Variants in LRBA observed in about 807,000 individuals in gnomAD.
LRBA encodes the protein LPS responsive beige-like anchor protein.
Under a neutral mutation model 330.0 loss-of-function variants are expected in LRBA, and 176 were observed. That is an observed-to-expected ratio of 0.53 (90% confidence interval 0.47 to 0.60). LRBA has a LOEUF of 0.60. LRBA is among the 20% of genes least tolerant of loss of function. The pLI, the probability that LRBA is intolerant of heterozygous loss-of-function variation, is 0.00. For synonymous variants in LRBA, 1,230 were observed against 1,193.0 expected (o/e 1.03, Z -0.64); for missense variants, 3,259 against 3,444.8 (o/e 0.95, Z 1.35).
intron 2 of LRBA, among the ~76,000 whole-genome samples, chr4:150,968,667 G>A (rs1447994956): frequency 6.6e-6 from 1 of 152,176 alleles, no homozygotes; most frequent in Non-Finnish European, 1.5e-5. Flanking sequence ...CAAAATGCAA[G>A]ATAAAGCTTC....
chr4:150,305,333 A>T (rs868362681), intron 52 of LRBA, among the ~76,000 whole-genome samples: 1 of 152,202 alleles, frequency 6.6e-6, no homozygotes, highest in Non-Finnish European at 1.5e-5. Context: ...TGTTTCTCCA[A>T]TGTCAGTGTA....
At chr4:150,294,651 A>G (rs1728730319) in intron 53 of LRBA, among the ~76,000 whole-genome samples, 1 of 152,228 alleles carries the variant, frequency 6.6e-6, no homozygotes, top group Non-Finnish European at 1.5e-5. Flanking sequence ...TTAGTATCAT[A>G]TAAGTAGTAG....
chr4:150,541,022 C>T (rs952602532), intron 40 of LRBA, among the ~76,000 whole-genome samples: 1 of 152,122 alleles, frequency 6.6e-6, no homozygotes, highest in Non-Finnish European at 1.5e-5. Flanking sequence ...ATATGAGTAA[C>T]AGAAAACCTA....
chr4:150,822,380 T>G (rs1745567580), intron 30 of LRBA, among the ~76,000 whole-genome samples: 1 of 152,218 alleles, frequency 6.6e-6, no homozygotes, highest in African/African-American at 2.4e-5. Flanking sequence ...TAGTAAACAA[T>G]GTAACTATAT....
chr4:150,511,220 A>G (rs1761795703), intron 40 of LRBA, among the ~76,000 whole-genome samples: 1 of 152,182 alleles, frequency 6.6e-6, no homozygotes, highest in Non-Finnish European at 1.5e-5. Flanking sequence ...AGCTGTCATT[A>G]GTCCAATTGA....
chr4:150,693,281 G>C (rs1295169896), intron 36 of LRBA, among the ~76,000 whole-genome samples: 2 of 152,174 alleles, frequency 1.3e-5, no homozygotes, highest in East Asian at 3.9e-4. Flanking sequence ...AATTGGGCAA[G>C]GGCCGGGCGC....
At chr4:150,560,477 T>C (rs753809748) in intron 40 of LRBA, among the ~76,000 whole-genome samples, 16 of 152,112 alleles carry the variant, frequency 1.1e-4, no homozygotes, top group Non-Finnish European at 2.1e-4. Context: ...AAGGATGTCT[T>C]TGGAAGACTC....
At chr4:150,528,827 A>G (rs1332231753) in intron 40 of LRBA, among the ~76,000 whole-genome samples, 1 of 152,224 alleles carries the variant, frequency 6.6e-6, no homozygotes, top group Non-Finnish European at 1.5e-5. Flanking sequence ...TGCTTGTGAA[A>G]TAACTGGGAA....
chr4:150,526,981 TGAGA>T (rs1429047826), intron 40 of LRBA, among the ~76,000 whole-genome samples: 2 of 151,896 alleles, frequency 1.3e-5, no homozygotes, highest in East Asian at 3.9e-4. Flanking sequence ...TTTTAATCAA[TGAGA>T]GAATCTCTCT....
chr4:150,398,121 A>G (rs2151921640), intron 47 of LRBA, among the ~76,000 whole-genome samples: 1 of 152,326 alleles, frequency 6.6e-6, no homozygotes, highest in African/African-American at 2.4e-5. Flanking sequence ...GTTTTTCTCC[A>G]CAGACATTCT....
At chr4:150,304,977 A>G (rs1730173562) in intron 52 of LRBA, among the ~76,000 whole-genome samples, 1 of 152,232 alleles carries the variant, frequency 6.6e-6, no homozygotes, top group Admixed American at 6.5e-5. Context: ...CTTCTGCTTT[A>G]GCCTATGCCT....
chr4:150,646,840 A>G (rs992499870), intron 37 of LRBA, among the ~76,000 whole-genome samples: 1 of 152,154 alleles, frequency 6.6e-6, no homozygotes, highest in Non-Finnish European at 1.5e-5. Context: ...TGCTCATTGG[A>G]GCATTTCGGA....
chr4:150,791,866 A>C (rs545833261), intron 34 of LRBA, among the ~76,000 whole-genome samples: 57 of 151,942 alleles, frequency 3.8e-4, no homozygotes, highest in Middle Eastern at 3.4e-3. Flanking sequence ...GTCTCTACTA[A>C]AAATACAAAA....
intron 47 of LRBA, among the ~76,000 whole-genome samples, chr4:150,372,388 T>C (rs900075267): frequency 7.3e-5 from 11 of 151,658 alleles, no homozygotes; most frequent in African/African-American, 1.9e-4. Context: ...GGTGGGAGGA[T>C]CACTTAAGCC....
chr4:150,788,543 C>T (rs1215986109), intron 34 of LRBA, among the ~76,000 whole-genome samples: 2 of 151,936 alleles, frequency 1.3e-5, no homozygotes, highest in African/African-American at 4.8e-5. Context: ...GGCAAATCAC[C>T]TGAGGTCAGG....
intron 42 of LRBA, among the ~76,000 whole-genome samples, chr4:150,477,328 G>A (rs1481380033): frequency 2.0e-5 from 3 of 152,100 alleles, no homozygotes; most frequent in Non-Finnish European, 4.4e-5. Flanking sequence ...AGCCTAAGAC[G>A]GGGTAATTTA....
chr4:150,510,082 G>A (rs978476822), intron 40 of LRBA, among the ~76,000 whole-genome samples: 2 of 152,190 alleles, frequency 1.3e-5, no homozygotes, highest in African/African-American at 2.4e-5. Flanking sequence ...GGAGGTTGCA[G>A]TGAGCCGAGA....
intron 44 of LRBA, among the ~76,000 whole-genome samples, chr4:150,455,145 C>T (rs1753901628): frequency 7.0e-6 from 1 of 142,922 alleles, no homozygotes; most frequent in South Asian, 2.4e-4. Flanking sequence ...CCACCACAGT[C>T]CCCAGAGTGT....
intron 36 of LRBA, among the ~76,000 whole-genome samples, chr4:150,731,970 C>T (rs550389098): frequency 6.6e-6 from 1 of 152,106 alleles, no homozygotes; most frequent in East Asian, 1.9e-4. Flanking sequence ...AATATATATA[C>T]CTACTATGTA....
Sources: allele counts gnomAD v4.1 joint callset (sites outside exome capture counted in the v4.1 genomes callset), GRCh38; gene constraint gnomAD v4.1.1; transcripts MANE v1.5; gene names NCBI Gene and HGNC (gene_info 2026-07-23, HGNC 2026-07-21).